The following KATNBL1 variants were observed in gnomAD, a reference collection of about 807,000 sequenced individuals.
The protein encoded by KATNBL1 is katanin regulatory subunit B1 like 1.
In KATNBL1, 28 loss-of-function variants were observed where a neutral mutation model predicts 44.7. The ratio of observed to expected loss-of-function variants is 0.63; its 90% confidence interval spans 0.46 to 0.86. The LOEUF (loss-of-function observed/expected upper bound fraction) is 0.86. KATNBL1 is among the 40% of genes least tolerant of loss of function. The pLI is 0.00. For synonymous variants in KATNBL1, 78 were observed against 114.9 expected, an observed-to-expected ratio of 0.68 and a Z score of 2.06; for missense variants, 272 against 350.7, an observed-to-expected ratio of 0.78 and a Z score of 1.79.
At chr15:34,155,645 T>C (rs1888616194) in intron 2 of KATNBL1, among the ~76,000 whole-genome samples, 1 of 152,204 alleles carries the variant, frequency 6.6e-6, no homozygotes, top group South Asian at 2.1e-4. Context: ...CACTGAGTTT[T>C]AATCATGATG....
chr15:34,163,739 T>C, intron 1 of KATNBL1, 49 bp from the exon 2 acceptor site: 2 of 1,094,470 alleles, frequency 1.8e-6, no homozygotes, highest in Admixed American at 2.6e-5. Flanking sequence ...AAGAGTCTGA[T>C]CATTTTTAAC....
Position 34,172,205 on chromosome 15 carries a change from G to A in KATNBL1, c.-14-8515C>T, listed in dbSNP as rs183756052. Reference sequence around the variant, plus strand: ...CTCTTTCTCATTCCAGTAAAAAAACGAGTTTTATTCTCTAGAAAACGTAAA... The same window carrying A: ...CTCTTTCTCATTCCAGTAAAAAAACAAGTTTTATTCTCTAGAAAACGTAAA... On this transcript the variant is annotated intron_variant, in intron 1 of 9. Coordinates refer to ENST00000256544, the MANE Select transcript of KATNBL1 (RefSeq NM_024713.3). Among the ~76,000 whole-genome samples the A allele has an allele frequency of 2.0e-4, 30 of 148,434 alleles. No homozygotes were observed. In the East Asian group the frequency reaches 5.7e-3, roughly 28 times the overall value.
intron 1 of KATNBL1, chr15:34,165,800 A>C (rs1027548260): frequency 4.6e-5 from 7 of 152,164 alleles, no homozygotes; most frequent in African/African-American, 1.7e-4. Context: ...TCTCGAAAAA[A>C]TAATAATTAG....
chr15:34,192,452 G>A (rs1028881543), intron 1 of KATNBL1, among the ~76,000 whole-genome samples: 2 of 151,862 alleles, frequency 1.3e-5, no homozygotes, highest in South Asian at 4.2e-4. Flanking sequence ...CAAGAAATAG[G>A]ATACCAGACT....
chr15:34,193,515 C>CA (rs1405209353), intron 1 of KATNBL1, among the ~76,000 whole-genome samples: 1 of 152,046 alleles, frequency 6.6e-6, no homozygotes, highest in African/African-American at 2.4e-5. Context: ...GCCTGGGAAA[C>CA]AGAGCAAGAC....
chr15:34,178,583 C>T, intron 1 of KATNBL1, among the ~76,000 whole-genome samples: 1 of 152,000 alleles, frequency 6.6e-6, no homozygotes, highest in East Asian at 1.9e-4. Context: ...CGGTGAAACC[C>T]TGTCTCTACT....
chr15:34,181,700 ATCCATATATATGGACATATATATG>A (rs1356205270), intron 1 of KATNBL1, among the ~76,000 whole-genome samples: 1 of 28,330 alleles, frequency 3.5e-5, no homozygotes, highest in Non-Finnish European at 7.6e-5. Context: ...CCATATATAT[ATCCATATATATGGACATATATATG>A]TCCATATATA....
intron 1 of KATNBL1, among the ~76,000 whole-genome samples, chr15:34,205,250 C>T (rs1311695616): frequency 1.3e-5 from 2 of 152,090 alleles, no homozygotes; most frequent in Non-Finnish European, 2.9e-5. Context: ...CGTAGGCCTC[C>T]CAAAGTGCTG....
In KATNBL1 at chr15:34,209,970, G is replaced by A. The variant is rs1385561647; in HGVS notation, c.-34C>T. 1.3e-5 allele frequency: 2 copies of A among 151,902 alleles called. No individual in the cohort carries two copies. Among genetic ancestry groups the A allele is most frequent in the Admixed American group, 6.6e-5 (1 of 15,262 alleles). The allele number at this position is 151,902 out of a possible 1,614,324, so 9.4% of individuals were successfully genotyped here. A position where few individuals can be genotyped will look rare whatever the true frequency, so the allele number is the denominator to read the frequency against. On this transcript the variant is annotated 5_prime_UTR_variant, in exon 1 of 10. Transcript: ENST00000256544. ...ACTTACCGGCGCCTCATGGTACCGC[G>A]GCGCCTCAGCCCAGCCTCGGCGCTG...
chr15:34,192,507 G>A lies in KATNBL1; in HGVS notation c.-15+17444C>T, dbSNP rs1889905343. Among the ~76,000 whole-genome samples the A allele has an allele frequency of 5.3e-5, 8 of 152,044 alleles. No homozygotes were observed. The South Asian group carries it at 1.5e-3, about 28-fold the overall frequency. ...ATTCATGGGAGACATACATATTTAC[G>A]GCAATGCTCTGCAATGATACAGAGA... On this transcript the variant is annotated intron_variant, in intron 1 of 9. Coordinates refer to ENST00000256544, the MANE Select transcript of KATNBL1 (RefSeq NM_024713.3).
intron 1 of KATNBL1, among the ~76,000 whole-genome samples, chr15:34,205,936 A>G (rs942660627): frequency 6.6e-6 from 1 of 152,328 alleles, no homozygotes. Context: ...TAGGAGAAAT[A>G]ATCTATGATT....
At chr15:34,179,642 T>C (rs1889459489) in intron 1 of KATNBL1, among the ~76,000 whole-genome samples, 1 of 152,152 alleles carries the variant, frequency 6.6e-6, no homozygotes, top group South Asian at 2.1e-4. Flanking sequence ...CAAGCAACAG[T>C]ATTTTAAAAA....
intron 1 of KATNBL1, among the ~76,000 whole-genome samples, chr15:34,191,351 T>C (rs1265360443): frequency 1.3e-5 from 2 of 151,858 alleles, no homozygotes; most frequent in East Asian, 1.9e-4. Context: ...TGATGGACAT[T>C]TGGGTTGTTT....
At chr15:34,154,579 C>T (rs1054145403) in intron 3 of KATNBL1, 65 bp downstream of exon 3, 4 of 1,005,432 alleles carry the variant, frequency 4.0e-6, no homozygotes, top group African/African-American at 3.2e-5. Flanking sequence ...TTATTTTTCC[C>T]TTATTGTCAT....
In KATNBL1 at chr15:34,152,946, G is replaced by C. The variant is rs1888527387; in HGVS notation, c.282C>G (p.Gly94=). The C allele has an allele frequency of 1.2e-6, 2 of 1,614,126 alleles. No individual in the cohort carries two copies. Among genetic ancestry groups the C allele is most frequent in the Non-Finnish European group, 8.5e-7 (1 of 1,180,006 alleles). Residue 94 remains glycine, a synonymous_variant, in exon 4 of 10, where the codon GGC becomes GGG. Coordinates refer to ENST00000256544, the MANE Select transcript of KATNBL1 (RefSeq NM_024713.3). Reference sequence around the variant, plus strand: ...CATTTTCTTTATTTGCCATGTCACAGCCCCCACTTCCAGGGGACTGTTTTT... The same window carrying C: ...CATTTTCTTTATTTGCCATGTCACACCCCCCACTTCCAGGGGACTGTTTTT... ...YRKKQSPGSG[G]CDMANKENEL...
At chr15:34,171,512 G>A (rs188740193) in intron 1 of KATNBL1, among the ~76,000 whole-genome samples, 35 of 152,342 alleles carry the variant, frequency 2.3e-4, no homozygotes, top group African/African-American at 8.2e-4. Context: ...TTCAACCATT[G>A]TGGAAGACAG....
chr15:34,147,492 T>C, intron 5 of KATNBL1, 62 bp from the exon 6 acceptor site: 2 of 1,317,046 alleles, frequency 1.5e-6, no homozygotes, highest in Middle Eastern at 3.8e-4. Flanking sequence ...ACTTTCATAT[T>C]ATGATTATTC....
chr15:34,206,760 C>T (rs992061621), intron 1 of KATNBL1, among the ~76,000 whole-genome samples: 1 of 149,640 alleles, frequency 6.7e-6, no homozygotes, highest in Non-Finnish European at 1.5e-5. Context: ...CACTGTACTC[C>T]AGCCTGGGAG....
At chr15:34,148,395 G>A (rs1888372610) in intron 5 of KATNBL1, 5 of 295,882 alleles carry the variant, frequency 1.7e-5, no homozygotes, top group South Asian at 8.7e-5. Flanking sequence ...AGACCAGCCC[G>A]GGAAACATAA....
Sources: allele counts gnomAD v4.1 joint callset (sites outside exome capture counted in the v4.1 genomes callset), GRCh38; gene constraint gnomAD v4.1.1; transcripts MANE v1.5; gene names NCBI Gene and HGNC (gene_info 2026-07-23, HGNC 2026-07-21).